The following NRXN2 variants were observed in gnomAD, a reference collection of about 807,000 sequenced individuals.
NRXN2 encodes the protein neurexin-2-beta.
In NRXN2, 29 loss-of-function variants were observed where a neutral mutation model predicts 128.8. The observed-to-expected ratio is 0.23, with a 90% CI of 0.17 to 0.31. The LOEUF is 0.31. Ranked by LOEUF, NRXN2 falls within the 10% of genes least tolerant of loss-of-function variation. The pLI, the probability that NRXN2 is intolerant of heterozygous loss-of-function variation, is 1.00. For synonymous variants in NRXN2, 1,098 were observed against 1,075.2 expected (o/e 1.02, Z -0.41); for missense variants, 1,881 against 2,452.6 (o/e 0.77, Z 4.92).
intron 11 of NRXN2, among the ~76,000 whole-genome samples, chr11:64,654,241 C>A (rs2047926164): frequency 1.3e-5 from 2 of 152,144 alleles, no homozygotes; most frequent in Non-Finnish European, 2.9e-5. Context: ...TGCCCCAGGG[C>A]CCCCTTCCCG....
rs765985087 is a variant in NRXN2 at position 64,696,004 on chromosome 11, GC to G, written c.748+1770del. Among the ~76,000 whole-genome samples, 6 of 148,528 alleles carry G rather than the reference GC, an allele frequency of 4.0e-5. No individual in the cohort carries two copies. In the East Asian group the frequency reaches 9.9e-4, roughly 24 times the overall value. ...TTTGGCCAAGCTGTTCCCCGTTCCT[GC>G]CCCACCCCCTACAGCTTGAGGCTTG... On this transcript the variant is annotated intron_variant, in intron 3 of 22. Coordinates refer to ENST00000265459, the MANE Select transcript of NRXN2 (RefSeq NM_015080.4).
intron 2 of NRXN2, among the ~76,000 whole-genome samples, chr11:64,705,564 A>C (rs561783037): frequency 6.6e-6 from 1 of 151,614 alleles, no homozygotes; most frequent in African/African-American, 2.4e-5. Context: ...TCTTGTGCTC[A>C]ATTTTTCTCA....
At chr11:64,624,771 T>A (rs1159296456) in intron 20 of NRXN2, among the ~76,000 whole-genome samples, 1 of 152,224 alleles carries the variant, frequency 6.6e-6, no homozygotes, top group East Asian at 1.9e-4. Context: ...TTGTGAAGCA[T>A]CTCATGGGAC....
At position 64,660,411 on chromosome 11, in the gene NRXN2, C is replaced by A. The variant is rs1371240354; in HGVS notation, c.2310G>T (p.Met770Ile). 2.5e-6 allele frequency: 4 copies of A among 1,614,086 alleles called. No homozygotes were observed. Among genetic ancestry groups the A allele is most frequent in the African/African-American group, 1.3e-5 (1 of 74,926 alleles). ...CGGCAGACTCCCTGGAAGTGGTGGC[C>A]ATCATGAGTCCGTAGGCCCGCTGGG... ...FMSQRAYGLM[M>I]ATTSRESADT... Residue 770 changes from methionine (M) to isoleucine (I), a missense_variant, in exon 11 of 23, where the codon ATG becomes ATT. Coordinates refer to ENST00000265459, the MANE Select transcript of NRXN2 (RefSeq NM_015080.4). The surrounding 1 kb of genome is among the most constrained non-coding windows in gnomAD (Gnocchi z 5.2).
chr11:64,686,425 G>C (rs1291628544), intron 5 of NRXN2, among the ~76,000 whole-genome samples: 1 of 152,156 alleles, frequency 6.6e-6, no homozygotes, highest in African/African-American at 2.4e-5. Context: ...TCCAGCGATG[G>C]CCAATCTCAG....
At chr11:64,708,338 C>T (rs1265687567) in intron 2 of NRXN2, among the ~76,000 whole-genome samples, 1 of 152,230 alleles carries the variant, frequency 6.6e-6, no homozygotes, top group African/African-American at 2.4e-5. Flanking sequence ...CTGTCCTGAA[C>T]ACCTGCATCA....
chr11:64,691,543 T>C (rs1428490310), intron 4 of NRXN2, among the ~76,000 whole-genome samples: 1 of 152,110 alleles, frequency 6.6e-6, no homozygotes, highest in Non-Finnish European at 1.5e-5. Flanking sequence ...CAGTTGCAAA[T>C]CCCCAAACTT....
At chr11:64,684,658 G>C (rs1335561040) in intron 6 of NRXN2, among the ~76,000 whole-genome samples, 1 of 152,174 alleles carries the variant, frequency 6.6e-6, no homozygotes, top group Non-Finnish European at 1.5e-5. Context: ...TTCAGTGGGA[G>C]GAAGGGGAGG....
intron 9 of NRXN2, among the ~76,000 whole-genome samples, chr11:64,664,642 AAG>A (rs1461876402): frequency 2.0e-5 from 3 of 152,238 alleles, no homozygotes; most frequent in African/African-American, 7.2e-5. Flanking sequence ...GAAAAGATCT[AAG>A]AGAGTTTTCT....
chr11:64,634,885 G>T (rs1320065402), intron 18 of NRXN2, among the ~76,000 whole-genome samples: 2 of 152,188 alleles, frequency 1.3e-5, no homozygotes, highest in South Asian at 4.1e-4. Context: ...GGCCTAGCTG[G>T]TCTAGGAGTG....
intron 6 of NRXN2, among the ~76,000 whole-genome samples, chr11:64,683,121 A>G (rs962719500): frequency 6.6e-6 from 1 of 152,144 alleles, no homozygotes; most frequent in African/African-American, 2.4e-5. Flanking sequence ...ATCAAATGAG[A>G]AAAATAACCT....
At position 64,661,554 on chromosome 11, in the gene NRXN2, A is replaced by C. The variant is rs2049031901; in HGVS notation, c.1799-415T>G. ...GAAGCAGAGAACCTCAAGGAACAGA[A>C]GGGGCTGAAAGATCTTTAATCCAAA... On this transcript the variant is annotated intron_variant, in intron 9 of 22. Coordinates refer to ENST00000265459, the MANE Select transcript of NRXN2 (RefSeq NM_015080.4). Among the ~76,000 whole-genome samples, 9 of 152,208 alleles carry C rather than the reference A, an allele frequency of 5.9e-5. No individual in the cohort carries two copies. In the South Asian group the frequency reaches 1.7e-3, roughly 28 times the overall value.
intron 9 of NRXN2, among the ~76,000 whole-genome samples, chr11:64,661,545 A>C (rs1282064292): frequency 6.6e-6 from 1 of 152,228 alleles, no homozygotes; most frequent in East Asian, 1.9e-4. Flanking sequence ...GAGAACCTCA[A>C]GGAACAGAAG....
At position 64,662,849 on chromosome 11, in the gene NRXN2, G is replaced by T. The variant is rs374318920; in HGVS notation, c.1799-1710C>A. On this transcript the variant is annotated intron_variant, in intron 9 of 22. Transcript: ENST00000265459. ...AGTTGAGTTCAATCTCTCTCCTCACGCAAGACCCCATTGCAGACATCCTAG... is the reference window on the plus strand; with the variant it reads ...AGTTGAGTTCAATCTCTCTCCTCACTCAAGACCCCATTGCAGACATCCTAG... Among the ~76,000 whole-genome samples the T allele has an allele frequency of 9.2e-5, 14 of 151,992 alleles. No homozygotes were observed. The South Asian group carries it at 2.9e-3, about 32-fold the overall frequency.
At position 64,651,114 on chromosome 11, in the gene NRXN2, CGACTTACGGTCGGG is replaced by C; in HGVS notation, c.2918+127_2918+140del. 8.6e-7 allele frequency: 1 copy of C among 1,163,656 alleles called. No individual in the cohort carries two copies. The highest frequency in any genetic ancestry group is 1.3e-5 in the South Asian group (1 of 76,118). 72.1% of individuals were successfully genotyped at this position (1,163,656 alleles called of 1,614,324 possible). A position where few individuals can be genotyped will look rare whatever the true frequency, so the allele number is the denominator to read the frequency against. On this transcript the variant is annotated intron_variant, in intron 14 of 22. Transcript: ENST00000265459. The surrounding 1 kb of genome is among the most constrained non-coding windows in gnomAD (Gnocchi z 5.9). ...CATCTTGGCTGAAGAGGGAGCCTCT[CGACTTACGGTCGGG>C]GACCTGAATCTTGACTTGTGATCTG...
rs1489154324 is a variant in NRXN2 at position 64,723,045 on chromosome 11, G to C, written c.-319C>G. ...GCCGCCCCGTCTCCGACGGGTGGCA[G>C]AGCCAGGGCTAGCGGTGTCTGCCGC... On this transcript the variant is annotated 5_prime_UTR_variant, in exon 1 of 23. Transcript: ENST00000265459. 6.6e-6 allele frequency: 1 copy of C among 150,476 alleles called. No individual in the cohort carries two copies. The highest frequency in any genetic ancestry group is 2.0e-4 in the East Asian group (1 of 5,032). 9.3% of individuals were successfully genotyped at this position (150,476 alleles called of 1,614,324 possible).
intron 2 of NRXN2, among the ~76,000 whole-genome samples, chr11:64,705,402 G>A (rs754146913): frequency 3.9e-5 from 6 of 151,992 alleles, no homozygotes; most frequent in South Asian, 2.1e-4. Context: ...ATAAAACATC[G>A]AAGACACCCA....
intron 9 of NRXN2, among the ~76,000 whole-genome samples, chr11:64,665,962 C>G (rs55860015): frequency 6.6e-6 from 1 of 152,134 alleles, no homozygotes; most frequent in South Asian, 2.1e-4. Context: ...GATTCAAGAA[C>G]AGGCATCTGT....
At chr11:64,638,282 G>A (rs2135401243) in intron 17 of NRXN2, among the ~76,000 whole-genome samples, 1 of 152,352 alleles carries the variant, frequency 6.6e-6, no homozygotes, top group African/African-American at 2.4e-5. Flanking sequence ...TACACTGTGG[G>A]GGGACTGGGC....
Sources: allele counts gnomAD v4.1 joint callset (sites outside exome capture counted in the v4.1 genomes callset), GRCh38; gene constraint gnomAD v4.1.1; non-coding constraint Gnocchi (gnomAD v3.1); transcripts MANE v1.5; gene names NCBI Gene and HGNC (gene_info 2026-07-23, HGNC 2026-07-21).